The following PON3 variants were observed in gnomAD, a reference collection of about 807,000 sequenced individuals.
PON3 encodes paraoxonase 3, also known as serum paraoxonase/lactonase 3.
Under a neutral mutation model 36.3 loss-of-function variants are expected in PON3, and 37 were observed. The ratio of observed to expected loss-of-function variants is 1.02; its 90% confidence interval spans 0.78 to 1.34. The LOEUF is 1.34. Ranked by LOEUF, PON3 falls within the 40% of genes most tolerant of loss-of-function variation. The pLI is 0.00. For missense variants in PON3, 415 were observed against 426.5 expected, an observed-to-expected ratio of 0.97 and a Z score of 0.24; for synonymous variants, 155 against 154.8, an observed-to-expected ratio of 1.00 and a Z score of -0.01.
chr7:95,362,323 C>T, intron 8 of PON3, 39 bp downstream of exon 8: 1 of 1,612,350 alleles, frequency 6.2e-7, no homozygotes, highest in East Asian at 2.2e-5. Context: ...TTTGTTCTTG[C>T]AGCTTTGCCT....
At chr7:95,388,213 G>A (rs1282765114) in intron 3 of PON3, among the ~76,000 whole-genome samples, 1 of 152,090 alleles carries the variant, frequency 6.6e-6, no homozygotes, top group Non-Finnish European at 1.5e-5. Context: ...CTAACATCCA[G>A]AATCTACAAG....
In PON3 at chr7:95,362,428, CA is replaced by C; in HGVS notation, c.839del (p.Leu280TrpfsTer9). 6.2e-7 allele frequency: 1 copy of C among 1,613,764 alleles called. No homozygotes were observed. The highest frequency in any genetic ancestry group is 8.5e-7 in the Non-Finnish European group (1 of 1,179,770). ...TCATAGGATTAGGATGGCATCCTGC[CA>C]AAATGTCTCCTGTGGCAGGATCGAC... ...LTVDPATGDI[L>X]AGCHPNPMKL... On this transcript the variant is annotated frameshift_variant, in exon 8 of 9. Transcript: ENST00000265627. LOFTEE classifies it high-confidence loss of function.
intron 3 of PON3, among the ~76,000 whole-genome samples, chr7:95,384,070 C>T: frequency 6.6e-6 from 1 of 152,130 alleles, no homozygotes; most frequent in Non-Finnish European, 1.5e-5. Context: ...ACTATCTGAT[C>T]TTTGACAAAC....
intron 3 of PON3, among the ~76,000 whole-genome samples, chr7:95,385,673 A>C (rs1809173383): frequency 6.6e-6 from 1 of 152,334 alleles, no homozygotes; most frequent in Non-Finnish European, 1.5e-5. Context: ...TTGGAAGTAA[A>C]ACATTCCTTA....
chr7:95,381,167 C>A (rs1349234202), intron 3 of PON3, among the ~76,000 whole-genome samples: 4 of 152,152 alleles, frequency 2.6e-5, no homozygotes, highest in African/African-American at 9.7e-5. Context: ...AATTTGGTCA[C>A]CACCAGGCCT....
intron 3 of PON3, among the ~76,000 whole-genome samples, chr7:95,373,636 C>G (rs17166860): frequency 0.021 from 3,222 of 152,234 alleles, 63 homozygotes; most frequent in African/African-American, 0.045. Flanking sequence ...ACTCCCTTTG[C>G]CTTGGTCTAG....
At position 95,394,665 on chromosome 7, in the gene PON3, A is replaced by C; in HGVS notation, c.124T>G (p.Cys42Gly). The C allele has an allele frequency of 6.2e-7, 1 of 1,614,096 alleles. No homozygotes were observed. The highest frequency in any genetic ancestry group is 1.1e-5 in the South Asian group (1 of 91,064). Residue 42 changes from cysteine to glycine, a missense_variant, in exon 2 of 9, where the codon TGC (cysteine) becomes GGC (glycine). Physicochemically the swap from Cys to Gly is radical, Grantham distance 159. Coordinates refer to ENST00000265627, the MANE Select transcript of PON3 (RefSeq NM_000940.3). ...REVEPVEPEN[C>G]HLIEELESGS... ...ATACCAAGTTCCTCAATAAGGTGGC[A>C]GTTTTCAGGTTCTACTGGCTCCACT...
chr7:95,372,925 T>C (rs1187214560), intron 3 of PON3, among the ~76,000 whole-genome samples: 1 of 152,222 alleles, frequency 6.6e-6, no homozygotes, highest in Non-Finnish European at 1.5e-5. Context: ...AATTCTGACA[T>C]GAATGCTTTA....
Position 95,360,133 on chromosome 7 carries a change from T to C in PON3, c.907-2A>G. The C allele has an allele frequency of 6.2e-7, 1 of 1,612,374 alleles. No individual in the cohort carries two copies. Among genetic ancestry groups the C allele is most frequent in the Non-Finnish European group, 8.5e-7 (1 of 1,178,432 alleles). On this transcript the variant is annotated splice_acceptor_variant, in intron 8 of 8. Coordinates refer to ENST00000265627, the MANE Select transcript of PON3 (RefSeq NM_000940.3). LOFTEE classifies it high-confidence loss of function. The stretch of plus-strand genomic sequence containing the variant: ...CAAAACATTCTGGATGCGAAGTACC[T>C]GTCGAGAAAAGATCGTTTATTAGTA...
chr7:95,391,622 G>GA, intron 2 of PON3, among the ~76,000 whole-genome samples: 1 of 152,196 alleles, frequency 6.6e-6, no homozygotes, highest in Non-Finnish European at 1.5e-5. Context: ...TCTGGGTCTT[G>GA]AAAACACAAA....
chr7:95,373,812 T>A (rs1396571391), intron 3 of PON3, among the ~76,000 whole-genome samples: 1 of 152,142 alleles, frequency 6.6e-6, no homozygotes, highest in Non-Finnish European at 1.5e-5. Flanking sequence ...TTTCATTATC[T>A]TCTAGAGTAG....
rs928329602 is a variant in PON3 at position 95,360,027 on chromosome 7, A to G, written c.1011T>C (p.His337=). The part of the protein sequence containing the change: ...LQGTSVASVY[H]GKILIGTVFH... Reference sequence around the variant, plus strand: ...ATACGGTGCCTATGAGAATTTTCCCATGGTACACAGAAGCCACAGAGGTGC... The same window carrying G: ...ATACGGTGCCTATGAGAATTTTCCCGTGGTACACAGAAGCCACAGAGGTGC... Residue 337 remains histidine (H), a synonymous_variant, in exon 9 of 9, where the codon CAT becomes CAC. Coordinates refer to ENST00000265627, the MANE Select transcript of PON3 (RefSeq NM_000940.3). The G allele has an allele frequency of 9.3e-6, 15 of 1,612,426 alleles. 1 individual carries two copies. The African/African-American group carries it at 1.9e-4, about 20-fold the overall frequency.
At chr7:95,367,529 T>C in intron 4 of PON3, 41 bp from the exon 5 acceptor site, 1 of 1,601,850 alleles carries the variant, frequency 6.2e-7, no homozygotes, top group Non-Finnish European at 8.5e-7. Flanking sequence ...AAGTTACCCC[T>C]ATCACAACTA....
At chr7:95,385,369 A>T (rs1007424185) in intron 3 of PON3, among the ~76,000 whole-genome samples, 4 of 152,006 alleles carry the variant, frequency 2.6e-5, no homozygotes, top group African/African-American at 4.8e-5. Flanking sequence ...TATATATTTT[A>T]AAAAGTATAT....
At chr7:95,365,436 A>T (rs1808668863) in intron 5 of PON3, 1 of 152,326 alleles carries the variant, frequency 6.6e-6, no homozygotes, top group Non-Finnish European at 1.5e-5. Context: ...CTCTTGAGGC[A>T]AACCTTTGAC....
At chr7:95,361,496 A>G (rs1430596253) in intron 8 of PON3, among the ~76,000 whole-genome samples, 1 of 152,160 alleles carries the variant, frequency 6.6e-6, no homozygotes, top group Non-Finnish European at 1.5e-5. Context: ...TGCTGCATAT[A>G]GTAATCCTGA....
chr7:95,360,955 G>A (rs1005494428), intron 8 of PON3, among the ~76,000 whole-genome samples: 2 of 152,064 alleles, frequency 1.3e-5, no homozygotes, highest in African/African-American at 2.4e-5. Flanking sequence ...AAATTAAAGG[G>A]TGTCAGTAAT....
intron 2 of PON3, among the ~76,000 whole-genome samples, chr7:95,393,436 A>C (rs1305604641): frequency 1.3e-5 from 2 of 152,234 alleles, no homozygotes; most frequent in African/African-American, 4.8e-5. Context: ...AGGGAATTTC[A>C]TAAGCAAAGG....
chr7:95,372,059 C>G, intron 4 of PON3, 114 bp downstream of exon 4: 1 of 1,256,576 alleles, frequency 8.0e-7, no homozygotes, highest in Non-Finnish European at 1.2e-6. Flanking sequence ...AAAAACACAT[C>G]TGTATGGTAA....
Sources: allele counts gnomAD v4.1 joint callset (sites outside exome capture counted in the v4.1 genomes callset), GRCh38; gene constraint gnomAD v4.1.1; transcripts MANE v1.5; gene names NCBI Gene and HGNC (gene_info 2026-07-23, HGNC 2026-07-21).